Variants in KAZN observed in about 807,000 individuals in gnomAD.
The protein encoded by KAZN is kazrin, periplakin interacting protein, also known as kazrin.
A neutral mutation model predicts 87.4 loss-of-function variants in KAZN; 40 were observed. That is an observed-to-expected ratio of 0.46 (90% CI 0.36 to 0.60). The LOEUF is 0.60. KAZN is among the 20% of genes least tolerant of loss of function. The probability of loss-of-function intolerance (pLI) is 0.00; values close to 1 mark genes in which losing one functional copy is unlikely to be tolerated. For synonymous variants in KAZN, 466 were observed against 458.3 expected, an observed-to-expected ratio of 1.02 and a Z score of -0.22; for missense variants, 898 against 1,073.9, an observed-to-expected ratio of 0.84 and a Z score of 2.29.
chr1:14,983,004 G>A (rs1441523651), intron 2 of KAZN, among the ~76,000 whole-genome samples: 4 of 152,212 alleles, frequency 2.6e-5, no homozygotes, highest in Non-Finnish European at 5.9e-5. Context: ...TGCCGGCCCC[G>A]CAGCAGACGC....
chr1:14,814,587 G>A (rs558623591), intron 1 of KAZN, among the ~76,000 whole-genome samples: 2 of 152,328 alleles, frequency 1.3e-5, no homozygotes, highest in African/African-American at 4.8e-5. Flanking sequence ...ACAGGAGACT[G>A]GCCTTGCAGT....
At chr1:14,718,549 G>A (rs1051574609) in intron 1 of KAZN, among the ~76,000 whole-genome samples, 3 of 152,220 alleles carry the variant, frequency 2.0e-5, no homozygotes, top group Non-Finnish European at 2.9e-5. Context: ...TGAATTATGT[G>A]TGATTCTCCT....
At chr1:14,651,856 C>G (rs1252845440) in intron 1 of KAZN, among the ~76,000 whole-genome samples, 2 of 152,198 alleles carry the variant, frequency 1.3e-5, no homozygotes, top group African/African-American at 4.8e-5. Flanking sequence ...CTGGAAGCTT[C>G]CTACTCGCCT....
intron 1 of KAZN, among the ~76,000 whole-genome samples, chr1:13,937,360 T>C (rs1006480648): frequency 1.3e-5 from 2 of 152,182 alleles, no homozygotes; most frequent in Non-Finnish European, 1.5e-5. Context: ...TGCCCACTTT[T>C]TAATGGTGTT....
chr1:14,692,831 G>T (rs1371966289), intron 1 of KAZN, among the ~76,000 whole-genome samples: 2 of 152,206 alleles, frequency 1.3e-5, no homozygotes, highest in Admixed American at 1.3e-4. Context: ...TACTTGGGAG[G>T]CTGAGGCATG....
At chr1:14,826,151 G>A (rs920668511) in intron 1 of KAZN, among the ~76,000 whole-genome samples, 1 of 152,202 alleles carries the variant, frequency 6.6e-6, no homozygotes, top group African/African-American at 2.4e-5. Context: ...GCTGGTGGAA[G>A]CCCGTGCACC....
chr1:14,855,634 C>T (rs1222033069), intron 1 of KAZN, among the ~76,000 whole-genome samples: 1 of 152,198 alleles, frequency 6.6e-6, no homozygotes, highest in African/African-American at 2.4e-5. Flanking sequence ...GCATTAGGAA[C>T]ACAAACCTGG....
intron 2 of KAZN, among the ~76,000 whole-genome samples, chr1:14,535,488 A>T (rs747321520): frequency 1.3e-5 from 2 of 152,170 alleles, no homozygotes; most frequent in Non-Finnish European, 2.9e-5. Flanking sequence ...CAACATGGTG[A>T]AACCCCGTCT....
intron 11 of KAZN, 63 bp from the exon 12 acceptor site, chr1:15,103,296 A>T: frequency 8.1e-7 from 1 of 1,231,846 alleles, no homozygotes; most frequent in Non-Finnish European, 1.2e-6. Flanking sequence ...GGGCACCCCC[A>T]CTCCACACGT....
chr1:14,764,167 A>G (rs1644820602), intron 1 of KAZN, among the ~76,000 whole-genome samples: 1 of 152,126 alleles, frequency 6.6e-6, no homozygotes, highest in Admixed American at 6.5e-5. Flanking sequence ...AAAGACCGGC[A>G]GGAGGGTAGA....
intron 2 of KAZN, among the ~76,000 whole-genome samples, chr1:14,512,660 G>C (rs115116097): frequency 6.6e-6 from 1 of 152,172 alleles, no homozygotes; most frequent in Non-Finnish European, 1.5e-5. Flanking sequence ...CACACAGTTC[G>C]CCGGGGTCAC....
chr1:14,904,259 A>C (rs1013531641), intron 1 of KAZN, among the ~76,000 whole-genome samples: 6 of 149,868 alleles, frequency 4.0e-5, no homozygotes, highest in African/African-American at 1.5e-4. Flanking sequence ...GAGCCGAGAT[A>C]GCGCCACTGC....
At chr1:15,045,590 C>T (rs1159561720) in intron 4 of KAZN, among the ~76,000 whole-genome samples, 1 of 152,188 alleles carries the variant, frequency 6.6e-6, no homozygotes, top group African/African-American at 2.4e-5. Flanking sequence ...GTGTCGTGTA[C>T]TGTCTTTGTA....
chr1:13,893,576 G>T (rs538326640), exon 1 of KAZN: 3 of 1,515,140 alleles, frequency 2.0e-6, no homozygotes, highest in African/African-American at 2.8e-5. Context: ...CAGATCTGCA[G>T]TTCCTGGGCC....
At chr1:14,581,883 TCATCCC>T (rs1433203373) in intron 2 of KAZN, among the ~76,000 whole-genome samples, 2 of 152,126 alleles carry the variant, frequency 1.3e-5, no homozygotes, top group African/African-American at 4.8e-5. Context: ...AAGCCAAATG[TCATCCC>T]CAGTTCTCCT....
rs573510167 is a variant in KAZN, at chr1:15,074,689, C to T, written c.1222+8936C>T. ...ATTTACAGTTCACGACACTCTTTCA[C>T]GGGGAGATGGGGGTCAGGGTTAAGA... On this transcript the variant is annotated intron_variant, in intron 8 of 14. Transcript: ENST00000376030. Among the ~76,000 whole-genome samples, 14 of 152,292 alleles carry T rather than the reference C, an allele frequency of 9.2e-5. No individual in the cohort carries two copies. The East Asian group carries it at 1.7e-3, about 19-fold the overall frequency.
intron 2 of KAZN, among the ~76,000 whole-genome samples, chr1:14,430,212 CCA>C (rs1491388142): frequency 0.011 from 1,387 of 123,998 alleles, 18 homozygotes; most frequent in African/African-American, 0.038. Context: ...TGCCCTGCAA[CCA>C]AAAAAAAAAA....
At chr1:14,582,126 C>T (rs1675594180) in intron 2 of KAZN, among the ~76,000 whole-genome samples, 1 of 150,764 alleles carries the variant, frequency 6.6e-6, no homozygotes, top group Non-Finnish European at 1.5e-5. Context: ...GTACAGATCA[C>T]AACATCCCTA....
At chr1:14,250,349 TG>T (rs908159247) in intron 2 of KAZN, among the ~76,000 whole-genome samples, 1 of 152,026 alleles carries the variant, frequency 6.6e-6, no homozygotes, top group African/African-American at 2.4e-5. Context: ...AGAATCTTAA[TG>T]TTGAATCTCA....
Sources: gnomAD v4.1 joint callset for allele counts (sites outside exome capture counted in the v4.1 genomes callset) on GRCh38, gnomAD v4.1.1 for gene constraint, MANE v1.5 for transcripts, NCBI Gene and HGNC (gene_info 2026-07-23, HGNC 2026-07-21) for gene names.